The following FAM241A variants were observed in gnomAD, a reference collection of about 807,000 sequenced individuals.
The protein encoded by FAM241A is uncharacterized protein FAM241A.
A neutral mutation model predicts 12.2 loss-of-function variants in FAM241A; 7 were observed. The observed-to-expected ratio is 0.58, with a 90% CI of 0.33 to 1.08. The LOEUF is 1.08. Ranked by LOEUF, FAM241A falls within the 50% of genes least tolerant of loss-of-function variation. The pLI is 0.04. For missense variants in FAM241A, 161 were observed against 169.7 expected (o/e 0.95, Z 0.29); for synonymous variants, 74 against 68.2 (o/e 1.08, Z -0.42).
Position 112,191,716 on chromosome 4 carries a change from T to C in FAM241A, c.*4778T>C, listed in dbSNP as rs1024686712. 1.3e-5 allele frequency: 2 copies of C among 152,268 alleles called. No individual in the cohort carries two copies. Among genetic ancestry groups the C allele is most frequent in the Non-Finnish European group, 2.9e-5 (2 of 68,094 alleles). 9.4% of individuals were successfully genotyped at this position (152,268 alleles called of 1,614,324 possible). ...TCCAGGGAAACTTCTCTGACTCCTT[T>C]AAATCCAGTTTTGGTTCTTCATTAT... On this transcript the variant is annotated 3_prime_UTR_variant, in exon 2 of 2. Transcript: ENST00000309733.
At chr4:112,171,098 A>T in intron 1 of FAM241A, 1 of 366,450 alleles carries the variant, frequency 2.7e-6, no homozygotes. Context: ...ACAGTGAGCC[A>T]GATGTGTGTA....
chr4:112,158,977 A>G (rs935766215), intron 1 of FAM241A, among the ~76,000 whole-genome samples: 2 of 152,094 alleles, frequency 1.3e-5, no homozygotes, highest in Non-Finnish European at 2.9e-5. Context: ...CCCCCCATAC[A>G]TACATACTTC....
intron 1 of FAM241A, 65 bp downstream of exon 1, chr4:112,145,798 G>C: frequency 2.0e-6 from 2 of 1,025,582 alleles, no homozygotes; most frequent in Non-Finnish European, 2.4e-6. Flanking sequence ...GCCCGGCGTT[G>C]GAGGGAAGGG....
At chr4:112,171,097 C>T (rs984205061) in intron 1 of FAM241A, 23 of 362,876 alleles carry the variant, frequency 6.3e-5, no homozygotes, top group African/African-American at 4.6e-4. Context: ...TACAGTGAGC[C>T]AGATGTGTGT....
At position 112,171,630 on chromosome 4, in the gene FAM241A, C is replaced by T. The variant is rs150883645; in HGVS notation, c.154-15063C>T. The T allele has an allele frequency of 7.5e-4, 400 of 530,456 alleles. 1 individual carries two copies. Among genetic ancestry groups the T allele is most frequent in the African/African-American group, 6.6e-3 (340 of 51,814 alleles). 32.9% of individuals were successfully genotyped at this position (530,456 alleles called of 1,614,324 possible). On this transcript the variant is annotated intron_variant, in intron 1 of 1. Coordinates refer to ENST00000309733, the MANE Select transcript of FAM241A (RefSeq NM_152400.3). ...ATCCCAGCACTTTGGGAGGCCGAGG[C>T]GGGCGAATCACGAGGTTAGGAGATC...
In FAM241A at chr4:112,190,033, T is replaced by C. The variant is rs1724132382; in HGVS notation, c.*3095T>C. The C allele has an allele frequency of 7.3e-6, 1 of 136,582 alleles. No individual in the cohort carries two copies. The highest frequency in any genetic ancestry group is 2.9e-5 in the African/African-American group (1 of 34,536). The allele number at this position is 136,582 out of a possible 1,614,324, so 8.5% of individuals were successfully genotyped here. ...CAAAACTGAATCTGGCTCTTTCCCT[T>C]GTGGGTATTATGGTTCATGGTTATC... On this transcript the variant is annotated 3_prime_UTR_variant, in exon 2 of 2. Transcript: ENST00000309733.
chr4:112,173,805 C>T (rs1351019860), intron 1 of FAM241A, among the ~76,000 whole-genome samples: 4 of 152,140 alleles, frequency 2.6e-5, no homozygotes, highest in African/African-American at 9.7e-5. Flanking sequence ...AGTTGTCTCA[C>T]AGTTCACCAT....
At chr4:112,158,214 C>T (rs931615285) in intron 1 of FAM241A, among the ~76,000 whole-genome samples, 2 of 151,966 alleles carry the variant, frequency 1.3e-5, no homozygotes, top group Admixed American at 6.6e-5. Flanking sequence ...TTAAATGATT[C>T]GCTATTTGGA....
intron 1 of FAM241A, among the ~76,000 whole-genome samples, chr4:112,181,363 T>C (rs904642762): frequency 6.6e-6 from 1 of 151,892 alleles, no homozygotes; most frequent in Non-Finnish European, 1.5e-5. Context: ...ATCTATCAAA[T>C]ACTTCTCTAA....
chr4:112,165,279 A>G (rs962519271), intron 1 of FAM241A, among the ~76,000 whole-genome samples: 1 of 152,214 alleles, frequency 6.6e-6, no homozygotes, highest in African/African-American at 2.4e-5. Context: ...ATGTGGAGAA[A>G]AGGGAAGCCT....
At chr4:112,182,233 C>A (rs377423408) in intron 1 of FAM241A, among the ~76,000 whole-genome samples, 165 of 152,222 alleles carry the variant, frequency 1.1e-3, no homozygotes, top group African/African-American at 3.9e-3. Context: ...GAGCCCTCGT[C>A]CTCACAAATC....
chr4:112,146,162 C>A (rs1180251004), intron 1 of FAM241A, among the ~76,000 whole-genome samples: 1 of 152,170 alleles, frequency 6.6e-6, no homozygotes, highest in Non-Finnish European at 1.5e-5. Flanking sequence ...CTCCATCTTG[C>A]GTTTCCGAGC....
intron 1 of FAM241A, among the ~76,000 whole-genome samples, chr4:112,161,936 C>T (rs890065493): frequency 3.3e-5 from 5 of 152,162 alleles, no homozygotes; most frequent in Admixed American, 6.5e-5. Context: ...CTGAATCCAG[C>T]AGCACATCAA....
At chr4:112,186,575 T>C (rs532974092) in intron 1 of FAM241A, 118 bp from the exon 2 acceptor site, 11 of 903,486 alleles carry the variant, frequency 1.2e-5, no homozygotes, top group African/African-American at 1.7e-5. Context: ...CAGGTACTTG[T>C]AGAATAATTA....
chr4:112,181,218 G>C (rs1340033601), intron 1 of FAM241A, among the ~76,000 whole-genome samples: 1 of 152,010 alleles, frequency 6.6e-6, no homozygotes, highest in African/African-American at 2.4e-5. Context: ...TGGATGCTAA[G>C]TAATGTCCAC....
At chr4:112,155,575 G>A (rs147807447) in intron 1 of FAM241A, among the ~76,000 whole-genome samples, 143 of 151,712 alleles carry the variant, frequency 9.4e-4, no homozygotes, top group African/African-American at 3.3e-3. Context: ...CCTTATATAG[G>A]TAGTACATTT....
At chr4:112,176,186 C>A (rs1723817209) in intron 1 of FAM241A, among the ~76,000 whole-genome samples, 1 of 152,084 alleles carries the variant, frequency 6.6e-6, no homozygotes, top group Non-Finnish European at 1.5e-5. Flanking sequence ...ATTGTCGTAA[C>A]ACTTGAAAAA....
At chr4:112,181,621 G>A (rs1220413120) in intron 1 of FAM241A, among the ~76,000 whole-genome samples, 1 of 152,218 alleles carries the variant, frequency 6.6e-6, no homozygotes, top group East Asian at 1.9e-4. Flanking sequence ...ACCTGATGCT[G>A]TGAGACTGAG....
At chr4:112,175,410 G>C (rs1282680965) in intron 1 of FAM241A, among the ~76,000 whole-genome samples, 2 of 152,016 alleles carry the variant, frequency 1.3e-5, no homozygotes, top group African/African-American at 4.8e-5. Context: ...TTCAATAGTT[G>C]CAGTAAAAGT....
Sources: gnomAD v4.1 joint callset for allele counts (sites outside exome capture counted in the v4.1 genomes callset) on GRCh38, gnomAD v4.1.1 for gene constraint, MANE v1.5 for transcripts, NCBI Gene and HGNC (gene_info 2026-07-23, HGNC 2026-07-21) for gene names.